ADGRF5: variants seen among roughly 807,000 people sequenced by gnomAD.
ADGRF5 encodes the protein adhesion G protein-coupled receptor F5, also known as G-protein coupled receptor 116.
Under a neutral mutation model 132.3 loss-of-function variants are expected in ADGRF5, and 75 were observed. The observed-to-expected ratio is 0.57, with a 90% confidence interval of 0.47 to 0.69. The LOEUF (loss-of-function observed/expected upper bound fraction) is 0.69. ADGRF5 is among the 30% of genes least tolerant of loss of function. The pLI is 0.00. For missense variants in ADGRF5, 1,516 were observed against 1,630.6 expected, an observed-to-expected ratio of 0.93 and a Z score of 1.21; for synonymous variants, 629 against 597.6, an observed-to-expected ratio of 1.05 and a Z score of -0.77.
intron 1 of ADGRF5, among the ~76,000 whole-genome samples, chr6:46,943,812 T>C (rs1778193611): frequency 6.6e-6 from 1 of 152,118 alleles, no homozygotes; most frequent in Non-Finnish European, 1.5e-5. Context: ...GAAACATAAA[T>C]GAAAGGTTAA....
At chr6:46,889,438 TTATA>T (rs954304222) in intron 3 of ADGRF5, among the ~76,000 whole-genome samples, 1 of 147,206 alleles carries the variant, frequency 6.8e-6, no homozygotes, top group Non-Finnish European at 1.5e-5. Flanking sequence ...ACTATAGTCT[TTATA>T]TAGTATATAT....
chr6:46,863,361 A>G, intron 14 of ADGRF5: 1 of 537,626 alleles, frequency 1.9e-6, no homozygotes, highest in South Asian at 1.6e-5. Context: ...CTCAACTGTG[A>G]CATATTAGAA....
chr6:46,925,777 C>T (rs1777216660), upstream of ADGRF5, among the ~76,000 whole-genome samples: 1 of 152,136 alleles, frequency 6.6e-6, no homozygotes, highest in South Asian at 2.1e-4. Context: ...TGACTCATTG[C>T]AGAGGAATAT....
chr6:46,865,860 T>C (rs1770352018), intron 13 of ADGRF5, among the ~76,000 whole-genome samples: 1 of 152,242 alleles, frequency 6.6e-6, no homozygotes, highest in Non-Finnish European at 1.5e-5. Context: ...CATGGGCCCT[T>C]CTAGATATTA....
Position 46,865,164 on chromosome 6 carries a change from T to C in ADGRF5, c.1868A>G (p.Lys623Arg). 1 of 1,612,856 alleles carries C rather than the reference T, an allele frequency of 6.2e-7. No individual in the cohort carries two copies. The highest frequency in any genetic ancestry group is 8.5e-7 in the Non-Finnish European group (1 of 1,179,260). Residue 623 changes from lysine to arginine, a missense_variant, in exon 14 of 21, where the codon AAA (lysine) becomes AGA (arginine). Lys to Arg is a conservative substitution (Grantham distance 26, BLOSUM62 2). Around this residue, in one of 2 missense-constraint regions of ADGRF5, gnomAD observed 945 missense variants for 929.4 expected, o/e 1.02. Coordinates refer to ENST00000283296, the MANE Select transcript of ADGRF5 (RefSeq NM_001098518.2). ...AACTGAGCTTGCATTGAAATTGTGTTTGTAGCACACTTGTTTTTTGTTAAC... is the reference window on the plus strand; with the variant it reads ...AACTGAGCTTGCATTGAAATTGTGTCTGTAGCACACTTGTTTTTTGTTAAC... ...KEVNKKQVCY[K>R]HNFNASSVSW...
At chr6:46,880,933 A>G (rs1772390372) in intron 8 of ADGRF5, among the ~76,000 whole-genome samples, 1 of 151,778 alleles carries the variant, frequency 6.6e-6, no homozygotes, top group African/African-American at 2.4e-5. Flanking sequence ...TCTACAAAAA[A>G]TAATAAAAAA....
intron 1 of ADGRF5, among the ~76,000 whole-genome samples, chr6:46,919,246 G>A (rs528584189): frequency 2.0e-5 from 3 of 152,164 alleles, no homozygotes; most frequent in African/African-American, 7.2e-5. Flanking sequence ...AAAAAAAATG[G>A]GGCTGCAAAG....
chr6:46,914,344 C>T (rs1439485215), intron 1 of ADGRF5, among the ~76,000 whole-genome samples: 1 of 152,100 alleles, frequency 6.6e-6, no homozygotes, highest in Non-Finnish European at 1.5e-5. Context: ...TCTTTGCTGA[C>T]CTTATTTGAT....
rs190687955 is a variant in ADGRF5 at position 46,912,221 on chromosome 6, A to G, written c.-24-5435T>C. 1.6e-3 allele frequency among the ~76,000 whole-genome samples: 246 copies of G among 152,320 alleles called. 1 individual carries two copies. Among genetic ancestry groups the G allele is most frequent in the African/African-American group, 5.7e-3 (235 of 41,568 alleles). ...TTAACCATTGTGCAGAATTGTTTAC[A>G]AAAGGCTATACCAGAAGGACCTGAC... On this transcript the variant is annotated intron_variant, in intron 1 of 20. Coordinates refer to ENST00000283296, the MANE Select transcript of ADGRF5 (RefSeq NM_001098518.2).
At chr6:46,944,556 C>A (rs2150945891) in intron 1 of ADGRF5, among the ~76,000 whole-genome samples, 1 of 152,288 alleles carries the variant, frequency 6.6e-6, no homozygotes, top group African/African-American at 2.4e-5. Flanking sequence ...CAGAGATATG[C>A]ATTTTGATCA....
In ADGRF5 at chr6:46,915,883, C is replaced by T. The variant is rs531866893; in HGVS notation, c.-25+5830G>A. 2.6e-5 allele frequency among the ~76,000 whole-genome samples: 4 copies of T among 152,280 alleles called. No homozygotes were observed. In the South Asian group the frequency reaches 8.3e-4, roughly 32 times the overall value. On this transcript the variant is annotated intron_variant, in intron 1 of 20. Transcript: ENST00000283296. ...CACAACATTTGCCCCAGTCCTCACT[C>T]TCCCTGGCTTGCGGTGGGTACCTGC... is the stretch of plus-strand genomic sequence containing the variant.
chr6:46,866,468 T>C (rs77128519), intron 13 of ADGRF5, among the ~76,000 whole-genome samples: 130 of 152,268 alleles, frequency 8.5e-4, no homozygotes, highest in East Asian at 8.1e-3. Flanking sequence ...CAAAAGCCCA[T>C]AGGAAAGCTC....
intron 6 of ADGRF5, among the ~76,000 whole-genome samples, chr6:46,882,411 G>C (rs903700529): frequency 6.6e-6 from 1 of 152,194 alleles, no homozygotes; most frequent in Non-Finnish European, 1.5e-5. Flanking sequence ...ATGAAAGAGA[G>C]GGAAGGAAGG....
intron 1 of ADGRF5, among the ~76,000 whole-genome samples, chr6:46,917,316 T>C (rs565688786): frequency 1.7e-4 from 26 of 152,302 alleles, no homozygotes; most frequent in African/African-American, 6.0e-4. Context: ...ATGAACCGCA[T>C]TTCTCTCCTC....
At chr6:46,941,461 G>GAAAAGAA (rs1400097585) in intron 1 of ADGRF5, among the ~76,000 whole-genome samples, 4 of 44,046 alleles carry the variant, frequency 9.1e-5, no homozygotes, top group African/African-American at 2.5e-4. Context: ...GAAAAGAAAA[G>GAAAAGAA]AAAAGAAAGA....
At position 46,889,552 on chromosome 6, in the gene ADGRF5, A is replaced by ATGTG. The variant is rs1311137841; in HGVS notation, c.158-1051_158-1048dup. ...ATGTTTATATAGACACTATATATATATGTGTGTGTGTGTGTGTATATATAT... is the reference window on the plus strand; with the variant it reads ...ATGTTTATATAGACACTATATATATATGTGTGTGTGTGTGTGTGTGTATATATAT... On this transcript the variant is annotated intron_variant, in intron 3 of 20. Coordinates refer to ENST00000283296, the MANE Select transcript of ADGRF5 (RefSeq NM_001098518.2). Among the ~76,000 whole-genome samples the ATGTG allele has an allele frequency of 4.2e-3, 527 of 124,222 alleles. 5 individuals are homozygous for ATGTG. The highest frequency in any genetic ancestry group is 8.6e-3 in the South Asian group (33 of 3,840). The allele number at this position is 124,222 out of a possible 152,430, so 81.5% of individuals were successfully genotyped here. A position where few individuals can be genotyped will look rare whatever the true frequency, so the allele number is the denominator to read the frequency against.
At chr6:46,888,819 A>G (rs555671847) in intron 3 of ADGRF5, among the ~76,000 whole-genome samples, 14 of 152,274 alleles carry the variant, frequency 9.2e-5, no homozygotes, top group Non-Finnish European at 1.9e-4. Flanking sequence ...GGAGTGAGTC[A>G]GTGTTTCATC....
chr6:46,912,350 A>G (rs1033020247), intron 1 of ADGRF5, among the ~76,000 whole-genome samples: 2 of 152,180 alleles, frequency 1.3e-5, no homozygotes, highest in Non-Finnish European at 2.9e-5. Flanking sequence ...GGAGTTTGGA[A>G]GAAGGGGAGG....
chr6:46,872,033 G>A lies in ADGRF5; in HGVS notation c.1241-20C>T. On this transcript the variant is annotated intron_variant, in intron 10 of 20. Transcript: ENST00000283296. The stretch of plus-strand genomic sequence containing the variant: ...GGGTTCCTATAATGAGAAGCAAATT[G>A]TTGCCATCCCAGCTGGCTAACTCTT... 6.4e-7 allele frequency: 1 copy of A among 1,560,912 alleles called. No homozygotes were observed.
Sources: gnomAD v4.1 joint callset for allele counts (sites outside exome capture counted in the v4.1 genomes callset) on GRCh38, gnomAD v4.1.1 for gene constraint, gnomAD v4.1.1 regional missense constraint, MANE v1.5 for transcripts, NCBI Gene and HGNC (gene_info 2026-07-23, HGNC 2026-07-21) for gene names.